Variants in KHDRBS3 observed in about 807,000 individuals in gnomAD.
KHDRBS3 encodes KH RNA binding domain containing, signal transduction associated 3, also known as KH domain-containing, RNA-binding, signal transduction-associated protein 3.
In KHDRBS3, 23 loss-of-function variants were observed where a neutral mutation model predicts 45.6. The observed-to-expected ratio is 0.50, with a 90% CI of 0.36 to 0.72. The LOEUF is 0.72. Ranked by LOEUF, KHDRBS3 falls within the 30% of genes least tolerant of loss-of-function variation. The pLI, the probability that KHDRBS3 is intolerant of heterozygous loss-of-function variation, is 0.00. For missense variants in KHDRBS3, 352 were observed against 424.8 expected (o/e 0.83, Z 1.51); for synonymous variants, 162 against 156.5 (o/e 1.04, Z -0.26).
intron 2 of KHDRBS3, among the ~76,000 whole-genome samples, chr8:135,534,513 G>T (rs370286526): frequency 6.6e-6 from 1 of 152,122 alleles, no homozygotes; most frequent in African/African-American, 2.4e-5. Context: ...GGGTTTCCGC[G>T]CTCAGAGAAA....
intron 1 of KHDRBS3, chr8:135,458,704 C>G: frequency 2.7e-6 from 1 of 371,226 alleles, no homozygotes; most frequent in Non-Finnish European, 5.3e-6. Context: ...TTGGGTGACC[C>G]TCATTGGTGG....
intron 2 of KHDRBS3, among the ~76,000 whole-genome samples, chr8:135,527,525 A>T (rs1469366654): frequency 1.3e-5 from 2 of 152,252 alleles, no homozygotes; most frequent in Non-Finnish European, 2.9e-5. Context: ...GCATTGGCCA[A>T]AGGTCCTGCA....
chr8:135,544,158 T>A (rs917170368), intron 3 of KHDRBS3, among the ~76,000 whole-genome samples: 17 of 152,166 alleles, frequency 1.1e-4, no homozygotes, highest in African/African-American at 3.1e-4. Context: ...CATCTGGTAA[T>A]GGGCTGCACG....
At chr8:135,619,033 A>G (rs1235584268) in intron 7 of KHDRBS3, among the ~76,000 whole-genome samples, 1 of 152,228 alleles carries the variant, frequency 6.6e-6, no homozygotes, top group East Asian at 1.9e-4. Flanking sequence ...GCAGAGTATC[A>G]CAAACCTAAC....
Position 135,457,835 on chromosome 8 carries a change from A to T in KHDRBS3, c.-32A>T, listed in dbSNP as rs780762065. 6.8e-7 allele frequency: 1 copy of T among 1,479,534 alleles called. No homozygotes were observed. Among genetic ancestry groups the T allele is most frequent in the South Asian group, 1.2e-5 (1 of 80,976 alleles). 91.7% of individuals were successfully genotyped at this position (1,479,534 alleles called of 1,614,324 possible). A position where few individuals can be genotyped will look rare whatever the true frequency, so the allele number is the denominator to read the frequency against. Reference sequence around the variant, plus strand: ...CGGGCGCCGCCCCCCGTGCGCCTGGAGTCCACATCCCGGGCCCGGCGGCCG... The same window carrying T: ...CGGGCGCCGCCCCCCGTGCGCCTGGTGTCCACATCCCGGGCCCGGCGGCCG... On this transcript the variant is annotated 5_prime_UTR_variant, in exon 1 of 9. Coordinates refer to ENST00000355849, the MANE Select transcript of KHDRBS3 (RefSeq NM_006558.3). The surrounding 1 kb of genome is among the most constrained non-coding windows in gnomAD (Gnocchi z 4.4).
At chr8:135,563,591 G>A (rs906553920) in intron 5 of KHDRBS3, among the ~76,000 whole-genome samples, 15 of 152,170 alleles carry the variant, frequency 9.9e-5, no homozygotes, top group East Asian at 3.8e-4. Flanking sequence ...TGTGTCCCTC[G>A]TACCTTGCAT....
intron 6 of KHDRBS3, among the ~76,000 whole-genome samples, 156 bp downstream of exon 6, chr8:135,582,229 C>G (rs1450666157): frequency 6.6e-6 from 1 of 152,156 alleles, no homozygotes. Context: ...TAAAGAAGTA[C>G]TTAATACTAG....
At chr8:135,471,039 G>T (rs1052265075) in intron 1 of KHDRBS3, among the ~76,000 whole-genome samples, 1 of 152,212 alleles carries the variant, frequency 6.6e-6, no homozygotes, top group Non-Finnish European at 1.5e-5. Context: ...AATTAGGTGA[G>T]TAGGACAAGT....
At chr8:135,549,626 C>T (rs1381473464) in intron 4 of KHDRBS3, 1 of 152,126 alleles carries the variant, frequency 6.6e-6, no homozygotes, top group African/African-American at 2.4e-5. Context: ...CATTTGCATG[C>T]TCTTGATAAA....
intron 7 of KHDRBS3, among the ~76,000 whole-genome samples, chr8:135,639,295 A>C (rs947603270): frequency 6.6e-6 from 1 of 152,184 alleles, no homozygotes; most frequent in African/African-American, 2.4e-5. Flanking sequence ...TTGAAGATTG[A>C]AGTTATTGCT....
At chr8:135,601,214 C>T (rs115142701) in intron 6 of KHDRBS3, among the ~76,000 whole-genome samples, 1,623 of 152,260 alleles carry the variant, frequency 0.011, 26 homozygotes, top group African/African-American at 0.035. Context: ...TTTAAGTCCT[C>T]ATTATGTTCC....
chr8:135,512,710 A>G (rs1457651658), intron 1 of KHDRBS3, among the ~76,000 whole-genome samples: 1 of 152,202 alleles, frequency 6.6e-6, no homozygotes, highest in Non-Finnish European at 1.5e-5. Context: ...CTAAATCACT[A>G]TGCTAAGTGT....
chr8:135,482,746 G>A (rs1255121294), intron 1 of KHDRBS3, among the ~76,000 whole-genome samples: 1 of 152,084 alleles, frequency 6.6e-6, no homozygotes, highest in African/African-American at 2.4e-5. Context: ...TAGCTGTGAG[G>A]ATTTGGGCAA....
chr8:135,584,394 G>A (rs967719857), intron 6 of KHDRBS3, among the ~76,000 whole-genome samples: 1 of 152,214 alleles, frequency 6.6e-6, no homozygotes, highest in African/African-American at 2.4e-5. Context: ...GGACACCAAA[G>A]GAAAAGAAAT....
intron 1 of KHDRBS3, among the ~76,000 whole-genome samples, chr8:135,499,369 G>A (rs953268524): frequency 2.6e-5 from 4 of 152,192 alleles, no homozygotes; most frequent in South Asian, 2.1e-4. Flanking sequence ...AAAGTTACGC[G>A]GCTGCTAAGT....
At chr8:135,646,282 A>G (rs1831285324) in intron 8 of KHDRBS3, among the ~76,000 whole-genome samples, 2 of 152,154 alleles carry the variant, frequency 1.3e-5, no homozygotes, top group Admixed American at 1.3e-4. Context: ...AGTTATCTTC[A>G]GGCTGAACAG....
At chr8:135,564,422 G>A (rs1827305087) in intron 5 of KHDRBS3, among the ~76,000 whole-genome samples, 1 of 152,106 alleles carries the variant, frequency 6.6e-6, no homozygotes, top group African/African-American at 2.4e-5. Flanking sequence ...AAAATAATGT[G>A]TATTATTTTT....
intron 7 of KHDRBS3, among the ~76,000 whole-genome samples, chr8:135,639,236 A>G (rs1830955620): frequency 6.6e-6 from 1 of 152,214 alleles, no homozygotes; most frequent in African/African-American, 2.4e-5. Flanking sequence ...AACTGGTATA[A>G]TCCTAGAAAC....
rs190849882 is a variant in KHDRBS3 at position 135,561,744 on chromosome 8, A to G, written c.611+4157A>G. On this transcript the variant is annotated intron_variant, in intron 5 of 8. Coordinates refer to ENST00000355849, the MANE Select transcript of KHDRBS3 (RefSeq NM_006558.3). ...GTCTCATAAGATTATGAAAGAACTG[A>G]AAAGTCCCCGTTGCCTAGTGACGAT... Among the ~76,000 whole-genome samples the G allele has an allele frequency of 7.6e-4, 116 of 152,254 alleles. 1 individual carries two copies. The highest frequency in any genetic ancestry group is 2.7e-3 in the African/African-American group (114 of 41,560).
Sources: gnomAD v4.1 joint callset for allele counts (sites outside exome capture counted in the v4.1 genomes callset) on GRCh38, gnomAD v4.1.1 for gene constraint, Gnocchi (gnomAD v3.1) non-coding constraint, MANE v1.5 for transcripts, NCBI Gene and HGNC (gene_info 2026-07-23, HGNC 2026-07-21) for gene names.